The following ITGAV variants were observed in gnomAD, a reference collection of about 807,000 sequenced individuals.
The protein encoded by ITGAV is integrin alpha-V.
In ITGAV, 76 loss-of-function variants were observed where a neutral mutation model predicts 143.8. The ratio of observed to expected loss-of-function variants is 0.53; its 90% CI spans 0.44 to 0.64. ITGAV has a LOEUF of 0.64. Among genes scored for constraint, ITGAV ranks in the 30% least tolerant of loss-of-function variants. ITGAV has a pLI of 0.00. For missense variants in ITGAV, 1,193 were observed against 1,274.7 expected (o/e 0.94, Z 0.98); for synonymous variants, 453 against 446.7 (o/e 1.01, Z -0.18).
At chr2:186,592,340 G>C (rs753935878) in intron 1 of ITGAV, among the ~76,000 whole-genome samples, 2 of 152,204 alleles carry the variant, frequency 1.3e-5, no homozygotes, top group Non-Finnish European at 2.9e-5. Context: ...GCGGGAGGCT[G>C]AGATGAGAGG....
In ITGAV at chr2:186,667,770, C is replaced by A; in HGVS notation, c.2427C>A (p.Ile809=). ...EEDVGPVVQH[I]YELRNNGPSS... is the part of the protein sequence containing the mutation. ...ATGTTGGGCCAGTTGTTCAGCACATCTATGAGGTTTGCAGTTGTTAGATTT... is the reference window on the plus strand; with the variant it reads ...ATGTTGGGCCAGTTGTTCAGCACATATATGAGGTTTGCAGTTGTTAGATTT... The change falls in exon 24 of 30, where the codon ATC becomes ATA. Residue 809 remains isoleucine, a synonymous_variant. Coordinates refer to ENST00000261023, the MANE Select transcript of ITGAV (RefSeq NM_002210.5). 2 of 1,598,858 alleles carry A rather than the reference C, an allele frequency of 1.3e-6. No homozygotes were observed. The highest frequency in any genetic ancestry group is 8.6e-7 in the Non-Finnish European group (1 of 1,169,510).
At chr2:186,597,806 G>A (rs896985252) in intron 1 of ITGAV, among the ~76,000 whole-genome samples, 7 of 152,164 alleles carry the variant, frequency 4.6e-5, no homozygotes, top group African/African-American at 7.2e-5. Context: ...CTGCTGTGAA[G>A]TGTGCATGCA....
At chr2:186,664,020 T>C (rs1688820674) in intron 19 of ITGAV, among the ~76,000 whole-genome samples, 185 bp downstream of exon 19, 1 of 152,222 alleles carries the variant, frequency 6.6e-6, no homozygotes, top group South Asian at 2.1e-4. Context: ...TTTCACTAGT[T>C]GCCTAGGTTG....
chr2:186,602,187 T>G, intron 2 of ITGAV, 36 bp downstream of exon 2: 1 of 1,586,142 alleles, frequency 6.3e-7, no homozygotes, highest in South Asian at 1.2e-5. Context: ...TTCATTGATT[T>G]CATTTGATTT....
intron 2 of ITGAV, among the ~76,000 whole-genome samples, chr2:186,609,269 G>A (rs756889336): frequency 6.6e-6 from 1 of 152,184 alleles, no homozygotes; most frequent in Non-Finnish European, 1.5e-5. Context: ...GTGTTTACCA[G>A]TGACGTCCCT....
intron 10 of ITGAV, among the ~76,000 whole-genome samples, chr2:186,639,514 C>T (rs1308288684): frequency 6.6e-6 from 1 of 152,180 alleles, no homozygotes; most frequent in African/African-American, 2.4e-5. Context: ...GCAGCTTCTC[C>T]TGTCTGGTGA....
chr2:186,665,852 C>T (rs548393226), intron 21 of ITGAV, among the ~76,000 whole-genome samples: 1 of 152,100 alleles, frequency 6.6e-6, no homozygotes, highest in Non-Finnish European at 1.5e-5. Context: ...TAATACAGGT[C>T]TAAATATTCC....
At chr2:186,637,208 G>C (rs1262305609) in intron 8 of ITGAV, 99 bp downstream of exon 8, 1 of 947,702 alleles carries the variant, frequency 1.1e-6, no homozygotes, top group Non-Finnish European at 1.7e-6. Flanking sequence ...GTGGCTGGGT[G>C]CTGTGGCTGC....
intron 26 of ITGAV, among the ~76,000 whole-genome samples, chr2:186,673,028 G>T (rs186739103): frequency 1.3e-5 from 2 of 152,194 alleles, no homozygotes; most frequent in Admixed American, 6.5e-5. Context: ...AGGCTTTTTG[G>T]TTTTATAAGT....
intron 17 of ITGAV, 140 bp downstream of exon 17, chr2:186,656,541 A>T (rs1189947879): frequency 4.9e-6 from 3 of 608,062 alleles, no homozygotes. Context: ...AGCTTTGTAA[A>T]GTGTCATACC....
At chr2:186,661,444 C>T (rs977684436) in intron 18 of ITGAV, among the ~76,000 whole-genome samples, 39 of 152,076 alleles carry the variant, frequency 2.6e-4, no homozygotes, top group Non-Finnish European at 1.6e-4. Context: ...ATGAGGCTTG[C>T]GAGCGGTTAC....
intron 26 of ITGAV, among the ~76,000 whole-genome samples, chr2:186,671,269 A>G (rs774399300): frequency 6.6e-6 from 1 of 152,166 alleles, no homozygotes; most frequent in Non-Finnish European, 1.5e-5. Context: ...GCAAGAGGCT[A>G]CAATGACCTT....
chr2:186,590,370 T>G lies in ITGAV; in HGVS notation c.32T>G (p.Leu11Arg). The G allele has an allele frequency of 8.2e-6, 13 of 1,591,328 alleles. No homozygotes were observed. Among genetic ancestry groups the G allele is most frequent in the Non-Finnish European group, 1.1e-5 (13 of 1,170,776 alleles). The stretch of plus-strand genomic sequence containing the variant: ...TTTCCGCCGCGGCGACGGCTGCGCC[T>G]CGGTCCCCGCGGCCTCCCGCTTCTT... MAFPPRRRLR[L>R]GPRGLPLLLS... The change falls in exon 1 of 30, where the codon CTC (leucine) becomes CGC (arginine). Residue 11 changes from leucine (L) to arginine (R), a missense_variant. Leu to Arg is a moderately radical substitution (Grantham distance 102). Transcript: ENST00000261023.
chr2:186,656,240 T>G lies in ITGAV; in HGVS notation c.1565-7T>G. On this transcript the variant is annotated splice_region_variant and splice_polypyrimidine_tract_variant and intron_variant, in intron 16 of 29. Coordinates refer to ENST00000261023, the MANE Select transcript of ITGAV (RefSeq NM_002210.5). ...TATGTTGGTTATAAATCCTTTGGTT[T>G]ACATAGATTTCCAGGTGGAACTTCT... The G allele has an allele frequency of 6.3e-7, 1 of 1,580,522 alleles. No homozygotes were observed. Among genetic ancestry groups the G allele is most frequent in the Non-Finnish European group, 8.6e-7 (1 of 1,167,986 alleles).
intron 6 of ITGAV, among the ~76,000 whole-genome samples, chr2:186,634,969 A>G (rs909524512): frequency 2.6e-5 from 4 of 152,060 alleles, no homozygotes; most frequent in Non-Finnish European, 4.4e-5. Flanking sequence ...TTTTTAAGAG[A>G]TACAGCTGTG....
chr2:186,644,143 C>T (rs543164456), intron 12 of ITGAV, among the ~76,000 whole-genome samples: 65 of 152,130 alleles, frequency 4.3e-4, no homozygotes, highest in Middle Eastern at 3.4e-3. Context: ...GGGGCTTTGC[C>T]ATGTTGCCAA....
intron 6 of ITGAV, among the ~76,000 whole-genome samples, chr2:186,633,815 T>C (rs1687882399): frequency 6.6e-6 from 1 of 152,054 alleles, no homozygotes; most frequent in Admixed American, 6.6e-5. Flanking sequence ...GATATTTAAG[T>C]CATTATTTTA....
At chr2:186,667,006 T>G (rs1688916416) in intron 22 of ITGAV, 144 bp from the exon 23 acceptor site, 1 of 549,602 alleles carries the variant, frequency 1.8e-6, no homozygotes, top group Admixed American at 3.8e-5. Context: ...CTTCTTGGAA[T>G]TAAGTGTTAA....
At chr2:186,616,403 C>T (rs949933641) in intron 2 of ITGAV, among the ~76,000 whole-genome samples, 75 of 150,480 alleles carry the variant, frequency 5.0e-4, no homozygotes, top group African/African-American at 1.6e-3. Context: ...CTCAGCCTCC[C>T]AAGCAGCTGG....
Sources: allele counts gnomAD v4.1 joint callset (sites outside exome capture counted in the v4.1 genomes callset), GRCh38; gene constraint gnomAD v4.1.1; transcripts MANE v1.5; gene names NCBI Gene and HGNC (gene_info 2026-07-23, HGNC 2026-07-21).